ITGA1: variants seen among roughly 807,000 people sequenced by gnomAD.
ITGA1 encodes integrin subunit alpha 1, also known as integrin alpha-1.
A neutral mutation model predicts 145.9 loss-of-function variants in ITGA1; 85 were observed. The ratio of observed to expected loss-of-function variants is 0.58; its 90% CI spans 0.49 to 0.70. The LOEUF (loss-of-function observed/expected upper bound fraction) is 0.70, where lower values mean the gene tolerates loss of function less well. Among genes scored for constraint, ITGA1 ranks in the 30% least tolerant of loss-of-function variants. The pLI is 0.00. For missense variants in ITGA1, 1,351 were observed against 1,418.7 expected, an observed-to-expected ratio of 0.95 and a Z score of 0.77; for synonymous variants, 520 against 495.3, an observed-to-expected ratio of 1.05 and a Z score of -0.66.
chr5:52,935,384 C>G (rs1316689677), intron 23 of ITGA1, among the ~76,000 whole-genome samples: 1 of 151,986 alleles, frequency 6.6e-6, no homozygotes, highest in Non-Finnish European at 1.5e-5. Flanking sequence ...AATCTAAACA[C>G]TTAACACAAT....
rs945246821 is a variant in ITGA1 at position 52,958,928 on chromosome 5, C to T, written c.*6477C>T. 3.3e-5 allele frequency: 5 copies of T among 152,062 alleles called. No homozygotes were observed. Among genetic ancestry groups the T allele is most frequent in the Non-Finnish European group, 7.4e-5 (5 of 68,008 alleles). The allele number at this position is 152,062 out of a possible 1,614,324, so 9.4% of individuals were successfully genotyped here. A position where few individuals can be genotyped will look rare whatever the true frequency, so the allele number is the denominator to read the frequency against. ...GCATTCAGGAACAAAGAAGCATAAC[C>T]TTTGTTGACTCTTGTAATTTATTAT... On this transcript the variant is annotated 3_prime_UTR_variant, in exon 29 of 29. Transcript: ENST00000282588.
chr5:52,937,974 A>G (rs1174572855), intron 24 of ITGA1, among the ~76,000 whole-genome samples: 1 of 151,936 alleles, frequency 6.6e-6, no homozygotes, highest in African/African-American at 2.4e-5. Context: ...CACACTCACC[A>G]TTAGATTTAG....
chr5:52,834,721 GAGAA>G (rs1267766434), intron 1 of ITGA1, among the ~76,000 whole-genome samples: 1 of 150,536 alleles, frequency 6.6e-6, no homozygotes, highest in Non-Finnish European at 1.5e-5. Flanking sequence ...GAAGGAAGGA[GAGAA>G]AGAGAGAGAG....
At chr5:52,863,108 T>C (rs1200550780) in intron 3 of ITGA1, among the ~76,000 whole-genome samples, 1 of 152,344 alleles carries the variant, frequency 6.6e-6, no homozygotes, top group East Asian at 1.9e-4. Flanking sequence ...CTAGATTCTG[T>C]TATATGCCTG....
At chr5:52,864,739 C>T in intron 3 of ITGA1, 24 bp from the exon 4 acceptor site, 1 of 1,446,970 alleles carries the variant, frequency 6.9e-7, no homozygotes, top group Non-Finnish European at 9.6e-7. Context: ...TTTCCTCCCT[C>T]ATAAAATTTT....
At chr5:52,941,602 C>T (rs6450097) in intron 26 of ITGA1, among the ~76,000 whole-genome samples, 134,022 of 152,240 alleles carry the variant, frequency 0.88, 59,065 homozygotes, top group Middle Eastern at 0.93. Context: ...TCATGTCCTT[C>T]GCCCATTATT....
chr5:52,812,257 C>T (rs12153381), intron 1 of ITGA1, among the ~76,000 whole-genome samples: 40,185 of 152,028 alleles, frequency 0.26, 5,582 homozygotes, highest in Non-Finnish European at 0.3. Context: ...AGTACCAAAA[C>T]CGATCAATTT....
At chr5:52,852,278 C>T (rs1749442414) in intron 2 of ITGA1, among the ~76,000 whole-genome samples, 1 of 152,064 alleles carries the variant, frequency 6.6e-6, no homozygotes, top group Non-Finnish European at 1.5e-5. Flanking sequence ...GAGAAGCCAT[C>T]ATAAGTTGTC....
intron 28 of ITGA1, among the ~76,000 whole-genome samples, chr5:52,948,603 A>C (rs1031567866): frequency 6.6e-6 from 1 of 152,142 alleles, no homozygotes. Context: ...AAAATTCTCC[A>C]CTATAGCCAA....
At chr5:52,845,934 G>A (rs1366691023) in intron 1 of ITGA1, among the ~76,000 whole-genome samples, 1 of 152,132 alleles carries the variant, frequency 6.6e-6, no homozygotes, top group Non-Finnish European at 1.5e-5. Flanking sequence ...CTAGCACTAG[G>A]GATGTGTTCT....
chr5:52,896,400 T>C (rs1042612618), intron 9 of ITGA1, among the ~76,000 whole-genome samples: 1 of 152,174 alleles, frequency 6.6e-6, no homozygotes, highest in Non-Finnish European at 1.5e-5. Flanking sequence ...TTAAAATGCA[T>C]CTCAGTCATT....
intron 11 of ITGA1, 79 bp from the exon 12 acceptor site, chr5:52,905,684 C>T: frequency 8.9e-7 from 1 of 1,129,858 alleles, no homozygotes; most frequent in South Asian, 1.9e-5. Context: ...ATTATCTTGG[C>T]CATTTAAAAA....
At chr5:52,816,922 T>A (rs1451076916) in intron 1 of ITGA1, among the ~76,000 whole-genome samples, 1 of 152,240 alleles carries the variant, frequency 6.6e-6, no homozygotes, top group African/African-American at 2.4e-5. Context: ...AGTAATATTT[T>A]CAAGTGGTAT....
chr5:52,808,221 T>A (rs1036078761), intron 1 of ITGA1, among the ~76,000 whole-genome samples: 2 of 152,248 alleles, frequency 1.3e-5, no homozygotes, highest in Non-Finnish European at 2.9e-5. Context: ...ATAAATGTAA[T>A]GTCTTTCAAT....
intron 1 of ITGA1, among the ~76,000 whole-genome samples, chr5:52,810,471 A>G (rs201441017): frequency 1.3e-5 from 2 of 152,248 alleles, no homozygotes; most frequent in Admixed American, 6.5e-5. Context: ...TGGATTGGAT[A>G]TGGTAGAAGG....
intron 1 of ITGA1, among the ~76,000 whole-genome samples, chr5:52,846,892 C>G (rs962985469): frequency 8.5e-5 from 13 of 152,062 alleles, no homozygotes; most frequent in Non-Finnish European, 1.2e-4. Context: ...TAAAATCTTC[C>G]TTAACTAAGA....
chr5:52,821,072 G>A (rs1450953034), intron 1 of ITGA1, among the ~76,000 whole-genome samples: 1 of 152,104 alleles, frequency 6.6e-6, no homozygotes, highest in East Asian at 1.9e-4. Flanking sequence ...AAACAATTAT[G>A]TATTCTGACA....
intron 1 of ITGA1, among the ~76,000 whole-genome samples, chr5:52,834,562 G>GAAAGAGAGAAGA (rs965114911): frequency 6.8e-6 from 1 of 146,518 alleles, no homozygotes; most frequent in African/African-American, 2.5e-5. Context: ...AAGAGAGAGA[G>GAAAGAGAGAAGA]AAAGAGAGAA....
rs145050599 is a variant in ITGA1, at chr5:52,927,813, G to T, written c.2694+149G>T. ...ATTGTGACAGATTGGAATATGCTAT[G>T]GTCAGAATGTTTGTGCCCCACCAAA... On this transcript the variant is annotated intron_variant, in intron 20 of 28. Coordinates refer to ENST00000282588, the MANE Select transcript of ITGA1 (RefSeq NM_181501.2). The T allele has an allele frequency of 3.6e-3, 2,163 of 599,260 alleles. 34 individuals are homozygous for T. The highest frequency in any genetic ancestry group is 0.02 in the South Asian group (924 of 45,168). 37.1% of individuals were successfully genotyped at this position (599,260 alleles called of 1,614,324 possible).
Sources: allele counts gnomAD v4.1 joint callset (sites outside exome capture counted in the v4.1 genomes callset), GRCh38; gene constraint gnomAD v4.1.1; transcripts MANE v1.5; gene names NCBI Gene and HGNC (gene_info 2026-07-23, HGNC 2026-07-21).